The following PDE8B variants were observed in gnomAD, a reference collection of about 807,000 sequenced individuals.
The protein encoded by PDE8B is phosphodiesterase 8B.
In PDE8B, 26 loss-of-function variants were observed where a neutral mutation model predicts 101.3. That is an observed-to-expected ratio of 0.26 (90% CI 0.19 to 0.36). The LOEUF is 0.36. Ranked by LOEUF, PDE8B falls within the 10% of genes least tolerant of loss-of-function variation. The pLI, the probability that PDE8B is intolerant of heterozygous loss-of-function variation, is 1.00. For missense variants in PDE8B, 810 were observed against 1,163.1 expected (o/e 0.70, Z 4.42); for synonymous variants, 424 against 429.3 (o/e 0.99, Z 0.15).
chr5:77,312,691 G>C (rs894556188), intron 2 of PDE8B, among the ~76,000 whole-genome samples: 1 of 152,242 alleles, frequency 6.6e-6, no homozygotes, highest in Non-Finnish European at 1.5e-5. Context: ...GCAAAATGGA[G>C]ATGATTATGC....
the PDE8B span, among the ~76,000 whole-genome samples, chr5:77,142,568 T>C: frequency 4.6e-5 from 7 of 152,172 alleles, no homozygotes; most frequent in Non-Finnish European, 8.8e-5. Flanking sequence ...CTTAATTCAG[T>C]AATTTCTCAA....
In PDE8B at chr5:77,407,361, C is replaced by G. The variant is rs747850659; in HGVS notation, c.1289-20C>G. The stretch of plus-strand genomic sequence containing the variant: ...ACTGAGCCACCGGAACTGGACACAG[C>G]TTTCTTGCCTTCTCTCCAGCACCAA... On this transcript the variant is annotated intron_variant, in intron 12 of 21. Transcript: ENST00000264917. 6.2e-7 allele frequency: 1 copy of G among 1,610,074 alleles called. No individual in the cohort carries two copies. Among genetic ancestry groups the G allele is most frequent in the Non-Finnish European group, 8.5e-7 (1 of 1,176,344 alleles).
At chr5:77,090,207 A>T in the PDE8B span, among the ~76,000 whole-genome samples, 5 of 152,190 alleles carry the variant, frequency 3.3e-5, no homozygotes, top group Non-Finnish European at 7.3e-5. Flanking sequence ...ATAACACGGA[A>T]GGGTGACTGT....
At chr5:77,218,897 C>T (rs528826126) in intron 1 of PDE8B, among the ~76,000 whole-genome samples, 31 of 151,900 alleles carry the variant, frequency 2.0e-4, no homozygotes, top group African/African-American at 6.5e-4. Flanking sequence ...AAAATATATC[C>T]GACACTTTCA....
chr5:77,242,869 T>C (rs1457924027), intron 1 of PDE8B, among the ~76,000 whole-genome samples: 4 of 152,142 alleles, frequency 2.6e-5, no homozygotes, highest in Admixed American at 2.0e-4. Context: ...GGTTTCACCA[T>C]ATTAGCCAGG....
intron 20 of PDE8B, among the ~76,000 whole-genome samples, chr5:77,422,829 A>G (rs1796958589): frequency 6.6e-6 from 1 of 152,168 alleles, no homozygotes; most frequent in Non-Finnish European, 1.5e-5. Context: ...TAAAGAATAG[A>G]TGATGCCTAG....
intron 11 of PDE8B, among the ~76,000 whole-genome samples, chr5:77,402,376 G>A (rs1792465995): frequency 6.6e-6 from 1 of 152,124 alleles, no homozygotes; most frequent in Non-Finnish European, 1.5e-5. Context: ...GATTATTTAA[G>A]ATAAGGTGCT....
At chr5:77,286,581 A>ATT (rs77350972) in intron 1 of PDE8B, among the ~76,000 whole-genome samples, 8 of 152,002 alleles carry the variant, frequency 5.3e-5, no homozygotes, top group Non-Finnish European at 1.0e-4. Context: ...TTAGGTTGTC[A>ATT]TTTTTTGTGT....
At chr5:77,297,737 G>C (rs1047218278) in intron 1 of PDE8B, among the ~76,000 whole-genome samples, 1 of 152,126 alleles carries the variant, frequency 6.6e-6, no homozygotes, top group Non-Finnish European at 1.5e-5. Context: ...TAGCCACATG[G>C]TCTGTTCCAC....
At chr5:77,330,228 T>C (rs1776858220) in intron 4 of PDE8B, among the ~76,000 whole-genome samples, 1 of 152,164 alleles carries the variant, frequency 6.6e-6, no homozygotes, top group African/African-American at 2.4e-5. Flanking sequence ...ATACCAGAAA[T>C]GTTCAAGGCC....
chr5:77,149,315 T>A, the PDE8B span, among the ~76,000 whole-genome samples: 1 of 152,198 alleles, frequency 6.6e-6, no homozygotes. Flanking sequence ...GTCTTTCAAT[T>A]TTGTTCTTAG....
chr5:77,360,064 C>A (rs911310977), intron 10 of PDE8B, among the ~76,000 whole-genome samples: 4 of 149,752 alleles, frequency 2.7e-5, no homozygotes, highest in African/African-American at 7.4e-5. Context: ...GCACTCCAGC[C>A]TGGGTGACAC....
the PDE8B span, chr5:77,114,737 T>A: frequency 6.6e-6 from 1 of 152,230 alleles, no homozygotes; most frequent in South Asian, 2.1e-4. Flanking sequence ...CAATTGAAAT[T>A]AAATTCTAGA....
chr5:77,154,511 A>C, the PDE8B span, among the ~76,000 whole-genome samples: 1 of 152,240 alleles, frequency 6.6e-6, no homozygotes, highest in Non-Finnish European at 1.5e-5. Flanking sequence ...ATCGGTCATG[A>C]AACTGGGAAC....
intron 1 of PDE8B, among the ~76,000 whole-genome samples, chr5:77,239,617 A>T (rs1307973408): frequency 1.3e-5 from 2 of 152,248 alleles, no homozygotes; most frequent in Non-Finnish European, 2.9e-5. Context: ...TGTGGAAAAT[A>T]ACATCTAACC....
intron 10 of PDE8B, among the ~76,000 whole-genome samples, chr5:77,355,770 A>C (rs1449416894): frequency 2.0e-5 from 3 of 152,248 alleles, no homozygotes; most frequent in Admixed American, 6.5e-5. Context: ...ACAGGTAAAC[A>C]GAATAAATAG....
At chr5:77,274,490 C>T (rs1763443343) in intron 1 of PDE8B, among the ~76,000 whole-genome samples, 2 of 152,178 alleles carry the variant, frequency 1.3e-5, no homozygotes, top group South Asian at 4.1e-4. Context: ...TGACATGTCC[C>T]AGGTGCTATG....
Position 77,421,863 on chromosome 5 carries a change from TTCC to T in PDE8B, c.2294_2296del (p.Phe765_Pro766delinsSer). The T allele has an allele frequency of 1.9e-6, 3 of 1,614,110 alleles. No homozygotes were observed. Among genetic ancestry groups the T allele is most frequent in the Non-Finnish European group, 1.7e-6 (2 of 1,180,000 alleles). On this transcript the variant is annotated inframe_deletion, in exon 20 of 22. Coordinates refer to ENST00000264917, the MANE Select transcript of PDE8B (RefSeq NM_003719.5). ...TGAATGCAACCCTGCTGGGAAGAAC[TTCC>T]CTGAAAACCAAATCCTGATCAAACG...
At chr5:77,232,480 G>A (rs1753777286) in intron 1 of PDE8B, among the ~76,000 whole-genome samples, 1 of 152,224 alleles carries the variant, frequency 6.6e-6, no homozygotes, top group African/African-American at 2.4e-5. Context: ...GTGGAATTTA[G>A]TTTAATGTCT....
Sources: gnomAD v4.1 joint callset for allele counts (sites outside exome capture counted in the v4.1 genomes callset) on GRCh38, gnomAD v4.1.1 for gene constraint, MANE v1.5 for transcripts, NCBI Gene and HGNC (gene_info 2026-07-23, HGNC 2026-07-21) for gene names.